The following ASTN1 variants were observed in gnomAD, a reference collection of about 807,000 sequenced individuals.
The protein encoded by ASTN1 is astrotactin 1.
ASTN1 carries 41 observed loss-of-function variants against 140.7 expected under a neutral mutation model. The observed-to-expected ratio is 0.29, with a 90% CI of 0.23 to 0.38. The LOEUF is 0.38. ASTN1 is among the 10% of genes least tolerant of loss of function. ASTN1 has a pLI of 1.00. For synonymous variants in ASTN1, 640 were observed against 652.2 expected, an observed-to-expected ratio of 0.98 and a Z score of 0.29; for missense variants, 1,479 against 1,678.8, an observed-to-expected ratio of 0.88 and a Z score of 2.08.
chr1:176,892,706 G>A (rs1294879131), intron 17 of ASTN1, among the ~76,000 whole-genome samples: 1 of 152,178 alleles, frequency 6.6e-6, no homozygotes, highest in Non-Finnish European at 1.5e-5. Flanking sequence ...TCAGAAAATG[G>A]ACCCAATGAT....
intron 21 of ASTN1, among the ~76,000 whole-genome samples, chr1:176,873,435 A>G (rs1192886091): frequency 2.6e-5 from 4 of 152,104 alleles, no homozygotes; most frequent in African/African-American, 9.7e-5. Flanking sequence ...TTCCTCAGAG[A>G]AAGTATCTAG....
intron 16 of ASTN1, among the ~76,000 whole-genome samples, chr1:176,910,531 A>C (rs534978075): frequency 6.6e-6 from 1 of 152,352 alleles, no homozygotes; most frequent in African/African-American, 2.4e-5. Flanking sequence ...ATCTTGTTGA[A>C]GAGATAAGAC....
intron 8 of ASTN1, among the ~76,000 whole-genome samples, chr1:176,977,442 T>C (rs1673413521): frequency 6.6e-6 from 1 of 152,232 alleles, no homozygotes; most frequent in African/African-American, 2.4e-5. Context: ...ATTCCTCAAG[T>C]GTTTATCACT....
At chr1:177,147,954 T>C (rs951104481) in intron 1 of ASTN1, among the ~76,000 whole-genome samples, 2 of 152,154 alleles carry the variant, frequency 1.3e-5, no homozygotes, top group Admixed American at 6.5e-5. Flanking sequence ...TGCAGCTATC[T>C]TACTACCAGC....
intron 9 of ASTN1, 114 bp downstream of exon 9, chr1:176,965,049 G>A (rs1672816451): frequency 1.0e-6 from 1 of 982,248 alleles, no homozygotes; most frequent in South Asian, 1.5e-5. Context: ...AGGTGGTCGT[G>A]ACAACTCAAG....
chr1:176,947,139 A>G (rs1029287815), intron 12 of ASTN1, among the ~76,000 whole-genome samples: 1 of 152,234 alleles, frequency 6.6e-6, no homozygotes, highest in African/African-American at 2.4e-5. Context: ...TGTCCTTTAC[A>G]TGGAAACCTT....
At chr1:176,999,286 C>T (rs554172796) in intron 8 of ASTN1, among the ~76,000 whole-genome samples, 26 of 152,280 alleles carry the variant, frequency 1.7e-4, no homozygotes, top group African/African-American at 5.3e-4. Context: ...GAGCTACAAT[C>T]GATTCACTAA....
In ASTN1 at chr1:176,894,703, G is replaced by T; in HGVS notation, c.2799C>A (p.Cys933Ter). Residue 933 changes from cysteine to a stop codon, truncating the protein, a stop_gained, in exon 17 of 23, where the codon TGC (cysteine) becomes TGA (stop). Transcript: ENST00000361833. LOFTEE classifies it high-confidence loss of function. ...ACGAGGGGCATCGTCCCTTGCTGTGGCACTCCATGCGGACTCCAGCCGCCA... is the reference window on the plus strand; with the variant it reads ...ACGAGGGGCATCGTCCCTTGCTGTGTCACTCCATGCGGACTCCAGCCGCCA... Reference protein sequence around the residue: ...KHMAAGVRMECHSKGRCPSSC... With the variant: ...KHMAAGVRME 1 of 1,614,094 alleles carries T rather than the reference G, an allele frequency of 6.2e-7. No homozygotes were observed. The highest frequency in any genetic ancestry group is 8.5e-7 in the Non-Finnish European group (1 of 1,179,998).
At chr1:176,980,947 C>T (rs1673584499) in intron 8 of ASTN1, among the ~76,000 whole-genome samples, 2 of 152,004 alleles carry the variant, frequency 1.3e-5, no homozygotes. Context: ...AACGCTGGCT[C>T]ACATCTGTAA....
chr1:177,026,639 G>A (rs1306352469), intron 5 of ASTN1, among the ~76,000 whole-genome samples: 1 of 152,092 alleles, frequency 6.6e-6, no homozygotes, highest in South Asian at 2.1e-4. Flanking sequence ...GTGTACAAGG[G>A]TTCCCTTTTC....
At chr1:177,039,993 T>A (rs577536215) in intron 2 of ASTN1, among the ~76,000 whole-genome samples, 57 of 152,200 alleles carry the variant, frequency 3.7e-4, no homozygotes, top group Non-Finnish European at 7.3e-4. Flanking sequence ...GTGGATGTCA[T>A]GAAAATTGTG....
chr1:177,121,799 T>C (rs1681401393), intron 1 of ASTN1, among the ~76,000 whole-genome samples: 1 of 151,944 alleles, frequency 6.6e-6, no homozygotes, highest in South Asian at 2.1e-4. Flanking sequence ...GAGTCTAGGT[T>C]TTGTGATGAG....
chr1:176,934,292 T>C lies in ASTN1; in HGVS notation c.2531A>G (p.Asp844Gly). ...GAACTGGTCCAACAGCGCCACAAAA[T>C]CTGCACGAGATGTAGCCCCATCCAG... is the stretch of plus-strand genomic sequence containing the variant. ...HSLDGATSRADFVALLDQFGN... is the reference protein window; with the variant it reads ...HSLDGATSRAGFVALLDQFGN... The change falls in exon 16 of 23, where the codon GAT (aspartate) becomes GGT (glycine). Residue 844 changes from aspartate (D) to glycine (G), a missense_variant. Physicochemically the swap from Asp to Gly is moderately conservative, Grantham distance 94. Transcript: ENST00000361833. The C allele has an allele frequency of 6.2e-7, 1 of 1,613,846 alleles. No individual in the cohort carries two copies. Among genetic ancestry groups the C allele is most frequent in the Non-Finnish European group, 8.5e-7 (1 of 1,179,876 alleles).
At chr1:176,914,240 A>G (rs1449666891) in intron 16 of ASTN1, among the ~76,000 whole-genome samples, 1 of 152,244 alleles carries the variant, frequency 6.6e-6, no homozygotes, top group Non-Finnish European at 1.5e-5. Flanking sequence ...CAGGGTAGTC[A>G]ATCAGTCCTA....
At chr1:177,157,138 CTT>C (rs1211934133) in intron 1 of ASTN1, among the ~76,000 whole-genome samples, 1 of 152,152 alleles carries the variant, frequency 6.6e-6, no homozygotes, top group Non-Finnish European at 1.5e-5. Flanking sequence ...ACAGTGTAGA[CTT>C]TTGTTAAAAA....
At chr1:177,144,396 G>T (rs1213449776) in intron 1 of ASTN1, among the ~76,000 whole-genome samples, 20 of 151,606 alleles carry the variant, frequency 1.3e-4, no homozygotes, top group African/African-American at 2.4e-5. Flanking sequence ...GGGACTACAG[G>T]CACCAGCCAC....
At chr1:177,161,669 G>A (rs1647379423) in intron 1 of ASTN1, among the ~76,000 whole-genome samples, 1 of 152,234 alleles carries the variant, frequency 6.6e-6, no homozygotes, top group South Asian at 2.1e-4. Context: ...ATCAGAATGA[G>A]AAGACCCTAG....
At chr1:176,969,261 T>C (rs1031375217) in intron 8 of ASTN1, among the ~76,000 whole-genome samples, 1 of 152,178 alleles carries the variant, frequency 6.6e-6, no homozygotes, top group Admixed American at 6.6e-5. Context: ...TATGTGTCTC[T>C]CGCCTCCCTT....
intron 18 of ASTN1, among the ~76,000 whole-genome samples, chr1:176,886,685 C>A (rs1054558943): frequency 3.1e-4 from 47 of 152,204 alleles, no homozygotes; most frequent in African/African-American, 1.1e-3. Context: ...CCTCTGATTT[C>A]TTCTTGCTCT....
Sources: gnomAD v4.1 joint callset for allele counts (sites outside exome capture counted in the v4.1 genomes callset) on GRCh38, gnomAD v4.1.1 for gene constraint, MANE v1.5 for transcripts, NCBI Gene and HGNC (gene_info 2026-07-23, HGNC 2026-07-21) for gene names.